The following DBNDD1 variants were observed in gnomAD, a reference collection of about 807,000 sequenced individuals.
DBNDD1 encodes the protein dysbindin domain containing 1, also known as dysbindin domain-containing protein 1.
In DBNDD1, 14 loss-of-function variants were observed where a neutral mutation model predicts 17.0. The ratio of observed to expected loss-of-function variants is 0.82; its 90% CI spans 0.54 to 1.29. The LOEUF (loss-of-function observed/expected upper bound fraction) is 1.29, where lower values mean the gene tolerates loss of function less well. Among genes scored for constraint, DBNDD1 ranks in the 50% most tolerant of loss-of-function variants. The pLI, the probability that DBNDD1 is intolerant of heterozygous loss-of-function variation, is 0.00. For missense variants in DBNDD1, 221 were observed against 216.2 expected, an observed-to-expected ratio of 1.02 and a Z score of -0.14; for synonymous variants, 105 against 102.0, an observed-to-expected ratio of 1.03 and a Z score of -0.18.
At position 90,019,220 on chromosome 16, in the gene DBNDD1, G is replaced by C. The variant is rs1293318834; in HGVS notation, c.31+91C>G. ...CCAAAGGGGTCTTCGCGACTCCCGGGAGCGGCGAAGGGTGAGCCCTGGGGG... is the reference window on the plus strand; with the variant it reads ...CCAAAGGGGTCTTCGCGACTCCCGGCAGCGGCGAAGGGTGAGCCCTGGGGG... On this transcript the variant is annotated intron_variant, in intron 1 of 3. Coordinates refer to ENST00000002501, the MANE Select transcript of DBNDD1 (RefSeq NM_001042610.3). The surrounding 1 kb of genome is among the most constrained non-coding windows in gnomAD (Gnocchi z 6.1). 1.6e-6 allele frequency: 1 copy of C among 629,044 alleles called. No homozygotes were observed. The highest frequency in any genetic ancestry group is 3.8e-5 in the East Asian group (1 of 26,660). The allele number at this position is 629,044 out of a possible 1,614,324, so 39.0% of individuals were successfully genotyped here. A position where few individuals can be genotyped will look rare whatever the true frequency, so the allele number is the denominator to read the frequency against.
At position 90,008,018 on chromosome 16, in the gene DBNDD1, C is replaced by T. The variant is rs71398851; in HGVS notation, c.319+766G>A. ...CCCAAGGGGCCTCACCCCCCAAACA[C>T]ACCTCCCAGGACGTCCCAAGGGGCC... On this transcript the variant is annotated intron_variant, in intron 3 of 3. Transcript: ENST00000002501. Among the ~76,000 whole-genome samples, 205 of 33,828 alleles carry T rather than the reference C, an allele frequency of 6.1e-3. 1 individual carries two copies. Among genetic ancestry groups the T allele is most frequent in the South Asian group, 0.013 (7 of 528 alleles). The allele number at this position is 33,828 out of a possible 152,430, so 22.2% of individuals were successfully genotyped here. A position where few individuals can be genotyped will look rare whatever the true frequency, so the allele number is the denominator to read the frequency against.
At chr16:90,019,732 C>A, upstream of DBNDD1, 1 of 654,410 alleles carries the variant, frequency 1.5e-6, no homozygotes. The surrounding 1 kb of genome is among the most constrained non-coding windows in gnomAD (Gnocchi z 6.1). Flanking sequence ...ACTCACTTGG[C>A]GGCCGCGCCC....
At position 90,018,728 on chromosome 16, in the gene DBNDD1, A is replaced by C. The variant is rs546803858; in HGVS notation, c.31+583T>G. ...GCTCCACGCGCACCTACCCTCCCCG[A>C]TGAGCGTGCGCCTGGGCCACTCCCG... On this transcript the variant is annotated intron_variant, in intron 1 of 3. Transcript: ENST00000002501. Among the ~76,000 whole-genome samples, 8 of 152,210 alleles carry C rather than the reference A, an allele frequency of 5.3e-5. No individual in the cohort carries two copies. The South Asian group carries it at 1.5e-3, about 28-fold the overall frequency.
At position 90,018,308 on chromosome 16, in the gene DBNDD1, G is replaced by T. The variant is rs578234370; in HGVS notation, c.31+1003C>A. 7.7e-4 allele frequency among the ~76,000 whole-genome samples: 117 copies of T among 152,380 alleles called. 1 individual carries two copies. Among genetic ancestry groups the T allele is most frequent in the Middle Eastern group, 3.4e-3 (1 of 294 alleles). On this transcript the variant is annotated intron_variant, in intron 1 of 3. Transcript: ENST00000002501. Reference sequence around the variant, plus strand: ...CAAAACCCAAACCCACCAGCCCTGGGGCATTTGTCCCTATACCTTGGACTG... The same window carrying T: ...CAAAACCCAAACCCACCAGCCCTGGTGCATTTGTCCCTATACCTTGGACTG...
intron 1 of DBNDD1, among the ~76,000 whole-genome samples, chr16:90,013,728 C>CA (rs1293666600): frequency 1.3e-5 from 2 of 152,214 alleles, no homozygotes; most frequent in Non-Finnish European, 1.5e-5. Flanking sequence ...TTCATTCACC[C>CA]AACCAAGACT....
intron 1 of DBNDD1, chr16:90,011,647 G>A (rs1279295963): frequency 1.3e-5 from 6 of 454,934 alleles, no homozygotes; most frequent in African/African-American, 4.0e-5. Flanking sequence ...GGGGTTGGGC[G>A]GGCTGGACGG....
chr16:90,014,287 T>C lies in DBNDD1; in HGVS notation c.32-4857A>G, dbSNP rs776825023. Among the ~76,000 whole-genome samples, 4 of 152,122 alleles carry C rather than the reference T, an allele frequency of 2.6e-5. No individual in the cohort carries two copies. In the East Asian group the frequency reaches 5.8e-4, roughly 22 times the overall value. On this transcript the variant is annotated intron_variant, in intron 1 of 3. Transcript: ENST00000002501. The stretch of plus-strand genomic sequence containing the variant: ...GATTACAGGCGTGCGCCACCATGCC[T>C]GGCTAATTTTTGTATCTTTAGTAGA...
At chr16:90,009,640 G>A in intron 1 of DBNDD1, 1 of 704,858 alleles carries the variant, frequency 1.4e-6, no homozygotes, top group Non-Finnish European at 2.3e-6. Flanking sequence ...TTCCCCTTGG[G>A]CCCTGGCCTC....
At chr16:90,009,088 C>G (rs2151261007) in intron 2 of DBNDD1, 164 bp from the exon 3 acceptor site, 2 of 1,208,964 alleles carry the variant, frequency 1.7e-6, no homozygotes, top group African/African-American at 3.1e-5. Context: ...GTTGCGTATA[C>G]TCATGACTAG....
At chr16:90,016,613 G>A (rs77632445) in intron 1 of DBNDD1, among the ~76,000 whole-genome samples, 8,139 of 152,252 alleles carry the variant, frequency 0.053, 311 homozygotes, top group East Asian at 0.17. Context: ...GGGCACTGAA[G>A]GAGCACCTCA....
chr16:90,010,286 C>T (rs897654690), intron 1 of DBNDD1: 8 of 382,132 alleles, frequency 2.1e-5, no homozygotes, highest in African/African-American at 4.3e-5. Flanking sequence ...GTGATCCGCC[C>T]GCCTCAGCCT....
chr16:90,017,030 C>T (rs1805399416), intron 1 of DBNDD1, among the ~76,000 whole-genome samples: 1 of 152,106 alleles, frequency 6.6e-6, no homozygotes, highest in African/African-American at 2.4e-5. Context: ...CCTGTGGACC[C>T]TTGGGCAGAC....
intron 1 of DBNDD1, among the ~76,000 whole-genome samples, chr16:90,012,992 C>G (rs1440100638): frequency 6.6e-6 from 1 of 151,846 alleles, no homozygotes; most frequent in African/African-American, 2.4e-5. Context: ...ACACCCTGGC[C>G]TCCCACCCCC....
chr16:90,014,496 G>A (rs1031431169), intron 1 of DBNDD1, among the ~76,000 whole-genome samples: 4 of 152,136 alleles, frequency 2.6e-5, no homozygotes, highest in South Asian at 2.1e-4. Flanking sequence ...GGCACCCTCT[G>A]CTTGTGCTGA....
At position 90,018,943 on chromosome 16, in the gene DBNDD1, C is replaced by A. The variant is rs918241848; in HGVS notation, c.31+368G>T. ...TTGCAAGCGGCCAGCGTCGCCCTCA[C>A]GCCCCACCGACAGGGACCCCAAACT... On this transcript the variant is annotated intron_variant, in intron 1 of 3. Coordinates refer to ENST00000002501, the MANE Select transcript of DBNDD1 (RefSeq NM_001042610.3). Among the ~76,000 whole-genome samples, 50 of 152,326 alleles carry A rather than the reference C, an allele frequency of 3.3e-4. No homozygotes were observed. In the East Asian group the frequency reaches 5.6e-3, roughly 17 times the overall value.
Position 90,006,222 on chromosome 16 carries a change from T to G in DBNDD1, c.*113A>C. 7.2e-7 allele frequency: 1 copy of G among 1,390,952 alleles called. No individual in the cohort carries two copies. The highest frequency in any genetic ancestry group is 9.6e-7 in the Non-Finnish European group (1 of 1,039,574). 86.2% of individuals were successfully genotyped at this position (1,390,952 alleles called of 1,614,324 possible). On this transcript the variant is annotated 3_prime_UTR_variant, in exon 4 of 4. Coordinates refer to ENST00000002501, the MANE Select transcript of DBNDD1 (RefSeq NM_001042610.3). ...TGCCCCCAGGGTGTGTGTCAGGAGG[T>G]GACGGCTGGAGCCTCGTGGGCGGGT... is the stretch of plus-strand genomic sequence containing the variant.
intron 1 of DBNDD1, among the ~76,000 whole-genome samples, chr16:90,014,520 A>C (rs113885554): frequency 6.6e-6 from 1 of 152,172 alleles, no homozygotes; most frequent in Admixed American, 6.5e-5. Context: ...GGAGGTCCCA[A>C]GCAGGACCTC....
At position 90,006,427 on chromosome 16, in the gene DBNDD1, G is replaced by C; in HGVS notation, c.385C>G (p.Gln129Glu). 1 of 1,603,698 alleles carries C rather than the reference G, an allele frequency of 6.2e-7. No homozygotes were observed. The change falls in exon 4 of 4, where the codon CAG (glutamine) becomes GAG (glutamate). Residue 129 changes from glutamine to glutamate, a missense_variant. Gln to Glu is a conservative substitution (Grantham distance 29). Transcript: ENST00000002501. The stretch of plus-strand genomic sequence containing the variant: ...CCTAGGGGCTGCTTCTCGTGGCTCT[G>C]CTCAGCCCTTGTCCTCGTCCAGGAA... ...SPSWTRTRAE[Q>E]SHEKQPLGDP... is the part of the protein sequence containing the mutation.
intron 1 of DBNDD1, among the ~76,000 whole-genome samples, chr16:90,014,588 G>T (rs1672954533): frequency 6.6e-6 from 1 of 152,176 alleles, no homozygotes; most frequent in Admixed American, 6.5e-5. Context: ...GCGAATGCCA[G>T]CAGTCCTCAT....
Sources: gnomAD v4.1 joint callset for allele counts (sites outside exome capture counted in the v4.1 genomes callset) on GRCh38, gnomAD v4.1.1 for gene constraint, Gnocchi (gnomAD v3.1) non-coding constraint, MANE v1.5 for transcripts, NCBI Gene and HGNC (gene_info 2026-07-23, HGNC 2026-07-21) for gene names.